The following ADGB variants were observed in gnomAD, a reference collection of about 807,000 sequenced individuals.
ADGB encodes the protein calpain-7-like protein.
A neutral mutation model predicts 210.5 loss-of-function variants in ADGB; 172 were observed. The observed-to-expected ratio is 0.82, with a 90% CI of 0.72 to 0.93. The LOEUF (loss-of-function observed/expected upper bound fraction) is 0.93, where lower values mean the gene tolerates loss of function less well. Ranked by LOEUF, ADGB falls within the 40% of genes least tolerant of loss-of-function variation. ADGB has a pLI of 0.00. For synonymous variants in ADGB, 658 were observed against 662.7 expected, an observed-to-expected ratio of 0.99 and a Z score of 0.11; for missense variants, 2,025 against 1,964.8, an observed-to-expected ratio of 1.03 and a Z score of -0.58.
intron 33 of ADGB, among the ~76,000 whole-genome samples, chr6:146,790,650 T>C (rs1357547808): frequency 6.6e-6 from 1 of 152,222 alleles, no homozygotes; most frequent in East Asian, 1.9e-4. Flanking sequence ...GTAATGCACA[T>C]ACAAGTACAG....
chr6:146,609,979 A>G (rs942573144), intron 1 of ADGB, among the ~76,000 whole-genome samples: 1 of 152,120 alleles, frequency 6.6e-6, no homozygotes, highest in Non-Finnish European at 1.5e-5. Context: ...TGGTGACTAT[A>G]TAACTTGGGG....
At chr6:146,685,883 G>T in intron 10 of ADGB, 55 bp downstream of exon 10, 2 of 1,070,134 alleles carry the variant, frequency 1.9e-6, no homozygotes, top group Non-Finnish European at 1.3e-6. Flanking sequence ...GTGGGTGCAC[G>T]TGTGTGTGTG....
At chr6:146,777,844 A>AT in intron 29 of ADGB, among the ~76,000 whole-genome samples, 1 of 152,142 alleles carries the variant, frequency 6.6e-6, no homozygotes, top group Non-Finnish European at 1.5e-5. Flanking sequence ...CGTGAGGTAC[A>AT]TTTTAAACTG....
intron 5 of ADGB, among the ~76,000 whole-genome samples, chr6:146,659,126 T>C (rs936133308): frequency 6.6e-6 from 1 of 152,218 alleles, no homozygotes; most frequent in Non-Finnish European, 1.5e-5. Flanking sequence ...GCAAATCCTA[T>C]GTGGTTGGTT....
intron 2 of ADGB, among the ~76,000 whole-genome samples, chr6:146,642,373 C>G (rs9403797): frequency 0.28 from 42,465 of 151,780 alleles, 7,283 homozygotes; most frequent in Admixed American, 0.39. Context: ...ACCCAGCAAT[C>G]CTATTACTGG....
At chr6:146,690,855 A>T (rs1205483520) in intron 10 of ADGB, among the ~76,000 whole-genome samples, 1 of 152,164 alleles carries the variant, frequency 6.6e-6, no homozygotes, top group Admixed American at 6.6e-5. Context: ...AATCTCATTC[A>T]TCCTTAAGCT....
chr6:146,605,197 G>C (rs912660706), intron 1 of ADGB, among the ~76,000 whole-genome samples: 8 of 152,190 alleles, frequency 5.3e-5, no homozygotes, highest in Non-Finnish European at 1.0e-4. Context: ...TGCTGGATTA[G>C]GAATCAAGGT....
intron 1 of ADGB, among the ~76,000 whole-genome samples, chr6:146,613,517 G>GC (rs1163726594): frequency 7.9e-5 from 12 of 152,154 alleles, no homozygotes; most frequent in Non-Finnish European, 5.9e-5. Context: ...CATGCCTTAA[G>GC]AAAATAATGG....
intron 5 of ADGB, 148 bp downstream of exon 5, chr6:146,657,128 C>A: frequency 1.4e-6 from 1 of 692,096 alleles, no homozygotes; most frequent in Non-Finnish European, 2.3e-6. Context: ...AGTTCGCAAC[C>A]AGCCTGGGCA....
chr6:146,606,318 G>T (rs773740547), intron 1 of ADGB, among the ~76,000 whole-genome samples: 3 of 152,038 alleles, frequency 2.0e-5, no homozygotes, highest in Non-Finnish European at 4.4e-5. Context: ...TGCATAGTTT[G>T]CAAATATTTT....
In ADGB at chr6:146,607,464, C is replaced by T. The variant is rs531896477; in HGVS notation, c.74+8350C>T. 3.9e-5 allele frequency among the ~76,000 whole-genome samples: 6 copies of T among 152,262 alleles called. No individual in the cohort carries two copies. The South Asian group carries it at 1.2e-3, about 32-fold the overall frequency. ...GAGTGGTGAGAGTAGGCATCCTTTT[C>T]ATGTTCTGGTTCTCAAGGGGAATGC... is the stretch of plus-strand genomic sequence containing the variant. On this transcript the variant is annotated intron_variant, in intron 1 of 35. Transcript: ENST00000397944.
At chr6:146,732,175 G>A (rs183350525) in intron 20 of ADGB, among the ~76,000 whole-genome samples, 24 of 152,238 alleles carry the variant, frequency 1.6e-4, no homozygotes, top group Middle Eastern at 3.4e-3. Flanking sequence ...CTTGATCCAC[G>A]GGTATGTTAG....
chr6:146,670,249 A>C (rs1775988852), intron 7 of ADGB, among the ~76,000 whole-genome samples: 1 of 152,052 alleles, frequency 6.6e-6, no homozygotes, highest in Non-Finnish European at 1.5e-5. Context: ...AAAACCTTTC[A>C]GTGTTTAACT....
At chr6:146,614,501 A>G (rs1780761816) in intron 1 of ADGB, among the ~76,000 whole-genome samples, 1 of 152,162 alleles carries the variant, frequency 6.6e-6, no homozygotes, top group African/African-American at 2.4e-5. Flanking sequence ...AGAATTTTAT[A>G]TAAACGGAAT....
rs563434223 is a variant in ADGB, at chr6:146,801,559, T to C, written c.4635-269T>C. ...GAAAACCTACAAGATATTCTCATAG[T>C]TTTGAACACAAGTTTCACAATCACC... On this transcript the variant is annotated intron_variant, in intron 34 of 35. Transcript: ENST00000397944. Among the ~76,000 whole-genome samples, 31 of 152,342 alleles carry C rather than the reference T, an allele frequency of 2.0e-4. 1 individual carries two copies. The highest frequency in any genetic ancestry group is 1.3e-3 in the Admixed American group (20 of 15,296).
intron 10 of ADGB, among the ~76,000 whole-genome samples, chr6:146,686,299 C>T (rs1004930383): frequency 2.0e-5 from 3 of 151,894 alleles, no homozygotes; most frequent in Non-Finnish European, 2.9e-5. Flanking sequence ...AAAATAAATG[C>T]TAATTGTTTT....
chr6:146,803,231 G>T, intron 35 of ADGB: 1 of 1,558,730 alleles, frequency 6.4e-7, no homozygotes, highest in South Asian at 1.1e-5. Context: ...TATTCCTGCT[G>T]AACAAAACTT....
intron 2 of ADGB, among the ~76,000 whole-genome samples, chr6:146,637,049 G>T (rs545921168): frequency 6.6e-6 from 1 of 151,908 alleles, no homozygotes; most frequent in Admixed American, 6.6e-5. Context: ...ATGCAGTACT[G>T]TAAGGTTATT....
chr6:146,699,870 A>G (rs1776465642), intron 12 of ADGB, among the ~76,000 whole-genome samples: 1 of 152,164 alleles, frequency 6.6e-6, no homozygotes, highest in East Asian at 1.9e-4. Context: ...TTAGTTTCAT[A>G]ACCTAAATTC....
Sources: allele counts gnomAD v4.1 joint callset (sites outside exome capture counted in the v4.1 genomes callset), GRCh38; gene constraint gnomAD v4.1.1; transcripts MANE v1.5; gene names NCBI Gene and HGNC (gene_info 2026-07-23, HGNC 2026-07-21).